Variants in SRFBP1 observed in about 807,000 individuals in gnomAD.
The protein encoded by SRFBP1 is serum response factor-binding protein 1.
SRFBP1 carries 47 observed loss-of-function variants against 45.5 expected under a neutral mutation model. That is an observed-to-expected ratio of 1.03 (90% CI 0.82 to 1.32). SRFBP1 has a LOEUF of 1.32. Ranked by LOEUF, SRFBP1 falls within the 40% of genes most tolerant of loss-of-function variation. The pLI, the probability that SRFBP1 is intolerant of heterozygous loss-of-function variation, is 0.00. For missense variants in SRFBP1, 621 were observed against 484.6 expected (o/e 1.28, Z -2.64); for synonymous variants, 203 against 166.3 (o/e 1.22, Z -1.70).
intron 1 of SRFBP1, among the ~76,000 whole-genome samples, chr5:121,966,469 T>C (rs1474734048): frequency 6.6e-6 from 1 of 152,214 alleles, no homozygotes; most frequent in African/African-American, 2.4e-5. Flanking sequence ...GATGAAAGCA[T>C]GGATAGCATA....
At position 122,042,220 on chromosome 5, in the gene SRFBP1, T is replaced by C. The variant is rs1049469284; in HGVS notation, n.311+19813T>C. Among the ~76,000 whole-genome samples, 4 of 152,362 alleles carry C rather than the reference T, an allele frequency of 2.6e-5. No homozygotes were observed. The South Asian group carries it at 6.2e-4, about 24-fold the overall frequency. ...AAAAGTAACCATTTTGTCCCTGTTA[T>C]ATATGTTATTTGCAGAACTAAACAA... On this transcript the variant is annotated intron_variant and non_coding_transcript_variant, in intron 2 of 2. Coordinates refer to the SRFBP1 transcript ENST00000504881.
intron 2 of SRFBP1, chr5:122,074,227 G>T: frequency 2.1e-6 from 3 of 1,431,322 alleles, no homozygotes; most frequent in Non-Finnish European, 2.9e-6. Context: ...AAGCAATGAA[G>T]ATATTAAATG....
intron 2 of SRFBP1, among the ~76,000 whole-genome samples, chr5:122,034,338 A>T (rs1370264589): frequency 3.3e-5 from 5 of 151,878 alleles, no homozygotes; most frequent in African/African-American, 9.7e-5. Context: ...TTTCGTTATA[A>T]TGTGTTTACT....
intron 2 of SRFBP1, among the ~76,000 whole-genome samples, chr5:122,072,467 A>G (rs1754477815): frequency 1.3e-5 from 2 of 152,184 alleles, no homozygotes; most frequent in South Asian, 4.1e-4. Flanking sequence ...TTAGTTTCGT[A>G]TATATTTAAT....
At chr5:122,033,930 TCTC>T (rs1753633656) in intron 2 of SRFBP1, among the ~76,000 whole-genome samples, 1 of 149,798 alleles carries the variant, frequency 6.7e-6, no homozygotes, top group African/African-American at 2.5e-5. Flanking sequence ...TTCCAGCAGT[TCTC>T]CTGCCTCAGC....
At chr5:122,023,931 C>T (rs931478989) in intron 7 of SRFBP1, among the ~76,000 whole-genome samples, 2 of 152,144 alleles carry the variant, frequency 1.3e-5, no homozygotes, top group Non-Finnish European at 2.9e-5. Flanking sequence ...TTTCCCACTT[C>T]CCGCTCTCAT....
chr5:122,015,002 T>A (rs1753168382), intron 4 of SRFBP1, among the ~76,000 whole-genome samples: 1 of 152,238 alleles, frequency 6.6e-6, no homozygotes, highest in South Asian at 2.1e-4. Context: ...GTCTGTTTTA[T>A]ATCTGTTCAT....
At chr5:121,981,754 T>G (rs1752411724) in intron 3 of SRFBP1, among the ~76,000 whole-genome samples, 1 of 151,962 alleles carries the variant, frequency 6.6e-6, no homozygotes, top group African/African-American at 2.4e-5. Context: ...CCAGAAGAAG[T>G]ACTTACCTAC....
intron 2 of SRFBP1, among the ~76,000 whole-genome samples, chr5:122,036,503 C>T (rs996487262): frequency 2.0e-5 from 3 of 152,094 alleles, no homozygotes; most frequent in South Asian, 2.1e-4. Flanking sequence ...GAGCCTTTTG[C>T]GAACGTAGTA....
At chr5:121,990,508 C>T (rs1752598158) in intron 3 of SRFBP1, among the ~76,000 whole-genome samples, 1 of 152,044 alleles carries the variant, frequency 6.6e-6, no homozygotes, top group Non-Finnish European at 1.5e-5. Context: ...ATCTTTACTC[C>T]AAACCTCAGC....
At chr5:122,026,080 A>C (rs1435168141) in intron 7 of SRFBP1, among the ~76,000 whole-genome samples, 1 of 152,060 alleles carries the variant, frequency 6.6e-6, no homozygotes, top group Non-Finnish European at 1.5e-5. Context: ...ACAGAGCAAG[A>C]CTCCGTCTTA....
chr5:122,043,719 T>G (rs1372819303), intron 2 of SRFBP1, among the ~76,000 whole-genome samples: 2 of 152,274 alleles, frequency 1.3e-5, no homozygotes, highest in South Asian at 2.1e-4. Flanking sequence ...GTCAGCAAAC[T>G]TTTTTTGTAA....
chr5:122,014,900 C>G (rs748977902), intron 4 of SRFBP1, among the ~76,000 whole-genome samples: 1 of 152,152 alleles, frequency 6.6e-6, no homozygotes, highest in Non-Finnish European at 1.5e-5. Context: ...GTTGTCAAAA[C>G]AGGGATTTGG....
At chr5:122,031,627 T>A (rs1460074839), downstream of SRFBP1, among the ~76,000 whole-genome samples, 1 of 152,128 alleles carries the variant, frequency 6.6e-6, no homozygotes, top group African/African-American at 2.4e-5. Flanking sequence ...GAAAGTCTCA[T>A]GTCAACCATA....
chr5:122,078,112 A>C (rs917015625), downstream of SRFBP1: 40 of 857,500 alleles, frequency 4.7e-5, no homozygotes, highest in Admixed American at 8.3e-5. Flanking sequence ...CGGGTATCTC[A>C]GTCTCCACCA....
downstream of SRFBP1, among the ~76,000 whole-genome samples, chr5:122,033,430 G>T (rs183215463): frequency 2.6e-5 from 4 of 151,544 alleles, no homozygotes; most frequent in East Asian, 7.7e-4. Flanking sequence ...TCCTTACAAC[G>T]GTTTGCTTGC....
intron 1 of SRFBP1, among the ~76,000 whole-genome samples, chr5:121,969,731 C>G (rs1440891515): frequency 2.6e-5 from 4 of 151,992 alleles, no homozygotes; most frequent in East Asian, 3.9e-4. Flanking sequence ...TAAATGCATT[C>G]TCTTGCTGTT....
chr5:122,061,475 T>C (rs2152581789), intron 2 of SRFBP1, among the ~76,000 whole-genome samples: 1 of 152,198 alleles, frequency 6.6e-6, no homozygotes, highest in Non-Finnish European at 1.5e-5. Context: ...TTGTAGCAAA[T>C]TGTAAATATA....
At chr5:121,978,839 T>C (rs1168442473) in intron 3 of SRFBP1, among the ~76,000 whole-genome samples, 1 of 152,176 alleles carries the variant, frequency 6.6e-6, no homozygotes. Flanking sequence ...CTGTTACTTC[T>C]TCCTATCCTG....
Sources: gnomAD v4.1 joint callset for allele counts (sites outside exome capture counted in the v4.1 genomes callset) on GRCh38, gnomAD v4.1.1 for gene constraint, MANE v1.5 for transcripts, NCBI Gene and HGNC (gene_info 2026-07-23, HGNC 2026-07-21) for gene names.